Variants in FSD1L observed in about 807,000 individuals in gnomAD.
FSD1L encodes the protein fibronectin type III and SPRY domain containing 1 like.
FSD1L carries 45 observed loss-of-function variants against 71.6 expected under a neutral mutation model. That is an observed-to-expected ratio of 0.63 (90% CI 0.49 to 0.81). FSD1L has a LOEUF of 0.81. FSD1L is among the 30% of genes least tolerant of loss of function. The pLI is 0.00. For synonymous variants in FSD1L, 197 were observed against 207.2 expected, an observed-to-expected ratio of 0.95 and a Z score of 0.42; for missense variants, 561 against 618.1, an observed-to-expected ratio of 0.91 and a Z score of 0.98.
At chr9:105,509,196 A>G (rs983931481) in intron 9 of FSD1L, among the ~76,000 whole-genome samples, 5 of 152,248 alleles carry the variant, frequency 3.3e-5, no homozygotes, top group Admixed American at 1.3e-4. Context: ...TGAGAGATCA[A>G]TATGCTAGAT....
intron 7 of FSD1L, among the ~76,000 whole-genome samples, chr9:105,492,711 A>G (rs921265209): frequency 1.3e-5 from 2 of 151,988 alleles, no homozygotes; most frequent in Non-Finnish European, 2.9e-5. Context: ...CTTTGTTCTC[A>G]TTGGTTTCAA....
At chr9:105,450,791 C>G (rs1210820359) in intron 1 of FSD1L, among the ~76,000 whole-genome samples, 1 of 152,046 alleles carries the variant, frequency 6.6e-6, no homozygotes, top group Non-Finnish European at 1.5e-5. Flanking sequence ...CCAGCCTTGG[C>G]CTCACAAAGC....
rs1837146130 is a variant in FSD1L, at chr9:105,548,790, A to G, written c.*2307A>G. 6.6e-6 allele frequency: 1 copy of G among 152,082 alleles called. No individual in the cohort carries two copies. The highest frequency in any genetic ancestry group is 1.5e-5 in the Non-Finnish European group (1 of 67,968). The allele number at this position is 152,082 out of a possible 1,614,324, so 9.4% of individuals were successfully genotyped here. A position where few individuals can be genotyped will look rare whatever the true frequency, so the allele number is the denominator to read the frequency against. ...ATTATTTGATACTAAATTTTCAATT[A>G]TTACTTCAAAATAAGAGTCTGAGGA... On this transcript the variant is annotated 3_prime_UTR_variant, in exon 14 of 14. Coordinates refer to ENST00000481272, the MANE Select transcript of FSD1L (RefSeq NM_001145313.3).
At chr9:105,521,902 T>G (rs942738848) in intron 10 of FSD1L, 2 of 1,612,304 alleles carry the variant, frequency 1.2e-6, no homozygotes, top group African/African-American at 1.3e-5. Flanking sequence ...ATAAAAAATC[T>G]TCTGGATGAA....
chr9:105,456,773 A>T (rs1194822323), intron 1 of FSD1L, among the ~76,000 whole-genome samples: 2 of 152,218 alleles, frequency 1.3e-5, no homozygotes, highest in Admixed American at 6.5e-5. Context: ...TATCTCATAT[A>T]TTTTACTATG....
At chr9:105,508,240 C>T (rs1224209123) in intron 8 of FSD1L, among the ~76,000 whole-genome samples, 3 of 146,050 alleles carry the variant, frequency 2.1e-5, no homozygotes, top group Non-Finnish European at 3.0e-5. Context: ...TGCAGTGGCG[C>T]GATCTCAGCT....
intron 10 of FSD1L, chr9:105,513,567 T>C (rs1186247631): frequency 2.0e-6 from 3 of 1,514,914 alleles, no homozygotes; most frequent in Middle Eastern, 1.9e-4. Context: ...TGTAAAACAG[T>C]TTCTTAACAG....
chr9:105,534,394 A>G, intron 10 of FSD1L, 99 bp from the exon 11 acceptor site: 1 of 632,756 alleles, frequency 1.6e-6, no homozygotes, highest in Non-Finnish European at 2.7e-6. Context: ...ACATAATTAG[A>G]AATCTTTTCA....
chr9:105,448,379 C>CG (rs1829760382), intron 1 of FSD1L, 144 bp downstream of exon 1: 6 of 717,036 alleles, frequency 8.4e-6, no homozygotes. Context: ...CAAGGCCGCC[C>CG]GGCCGCTCTC....
chr9:105,520,928 A>G, intron 10 of FSD1L: 1 of 1,612,062 alleles, frequency 6.2e-7, no homozygotes, highest in Non-Finnish European at 8.5e-7. Context: ...TAAAAAGTTT[A>G]GAATGGAAGA....
At chr9:105,530,539 T>C (rs766740550) in intron 10 of FSD1L, 12 of 686,572 alleles carry the variant, frequency 1.7e-5, no homozygotes, top group Admixed American at 1.5e-4. Flanking sequence ...TTTTCTGTTA[T>C]CAAAAGAGCT....
chr9:105,491,495 TCTC>T (rs986525100), intron 7 of FSD1L, among the ~76,000 whole-genome samples: 203 of 152,242 alleles, frequency 1.3e-3, no homozygotes, highest in African/African-American at 4.7e-3. Context: ...TTTATTTCCT[TCTC>T]CTGCCCAATT....
At chr9:105,446,460 A>G (rs1278920383), upstream of FSD1L, among the ~76,000 whole-genome samples, 1 of 151,930 alleles carries the variant, frequency 6.6e-6, no homozygotes, top group Non-Finnish European at 1.5e-5. Flanking sequence ...TGCCTCCAGG[A>G]CTCAAGTGAT....
chr9:105,494,929 G>T (rs1436681898), intron 7 of FSD1L, among the ~76,000 whole-genome samples: 1 of 152,208 alleles, frequency 6.6e-6, no homozygotes, highest in African/African-American at 2.4e-5. Context: ...GTGCCTCCCA[G>T]TTAGGCTGCT....
chr9:105,460,787 G>A (rs1404326513), intron 1 of FSD1L, among the ~76,000 whole-genome samples: 1 of 152,206 alleles, frequency 6.6e-6, no homozygotes, highest in East Asian at 1.9e-4. Context: ...CACTTTCTGT[G>A]ATCCCAAGAA....
At chr9:105,443,704 G>T (rs777982777), upstream of FSD1L, among the ~76,000 whole-genome samples, 9 of 152,114 alleles carry the variant, frequency 5.9e-5, no homozygotes, top group Admixed American at 1.3e-4. Context: ...GGCCAAGGTG[G>T]GAGGACTGCT....
At chr9:105,502,711 C>T (rs1455965523) in intron 7 of FSD1L, among the ~76,000 whole-genome samples, 1 of 151,980 alleles carries the variant, frequency 6.6e-6, no homozygotes, top group African/African-American at 2.4e-5. Flanking sequence ...TTACTTCTTC[C>T]CTTCTTTTGG....
At chr9:105,491,287 T>G (rs898342445) in intron 7 of FSD1L, among the ~76,000 whole-genome samples, 53 of 151,386 alleles carry the variant, frequency 3.5e-4, no homozygotes, top group Non-Finnish European at 6.8e-4. Flanking sequence ...GGGAGTTCAC[T>G]CATGATTTGG....
intron 1 of FSD1L, among the ~76,000 whole-genome samples, chr9:105,458,563 C>CAA: frequency 6.6e-6 from 1 of 152,096 alleles, no homozygotes; most frequent in East Asian, 1.9e-4. Flanking sequence ...TTTATGGGCT[C>CAA]AAAGTGGGGA....
Sources: gnomAD v4.1 joint callset for allele counts (sites outside exome capture counted in the v4.1 genomes callset) on GRCh38, gnomAD v4.1.1 for gene constraint, MANE v1.5 for transcripts, NCBI Gene and HGNC (gene_info 2026-07-23, HGNC 2026-07-21) for gene names.